Variants in ZNF618 observed in about 807,000 individuals in gnomAD.
The protein encoded by ZNF618 is neural precursor cell expressed, developmentally down-regulated 10.
ZNF618 carries 34 observed loss-of-function variants against 103.0 expected under a neutral mutation model. The observed-to-expected ratio is 0.33, with a 90% CI of 0.25 to 0.44. ZNF618 has a LOEUF of 0.44. ZNF618 is among the 20% of genes least tolerant of loss of function. The probability of loss-of-function intolerance (pLI) is 1.00; values close to 1 mark genes in which losing one functional copy is unlikely to be tolerated. For synonymous variants in ZNF618, 551 were observed against 542.2 expected (o/e 1.02, Z -0.23); for missense variants, 1,059 against 1,295.4 (o/e 0.82, Z 2.80).
intron 3 of ZNF618, among the ~76,000 whole-genome samples, chr9:113,996,196 A>T (rs2133481771): frequency 6.6e-6 from 1 of 152,286 alleles, no homozygotes; most frequent in Admixed American, 6.5e-5. Context: ...TCATTCGGCA[A>T]GCCCTGGACC....
chr9:113,887,494 C>T (rs759675713), intron 1 of ZNF618, among the ~76,000 whole-genome samples: 32 of 152,180 alleles, frequency 2.1e-4, no homozygotes, highest in Non-Finnish European at 1.0e-4. Context: ...GATCAGGTTG[C>T]AGTTCTGGGC....
chr9:113,939,167 T>C (rs893335210), intron 1 of ZNF618, among the ~76,000 whole-genome samples: 1 of 152,212 alleles, frequency 6.6e-6, no homozygotes, highest in Non-Finnish European at 1.5e-5. Flanking sequence ...ATTCCTGACT[T>C]CAATTAGAGT....
rs1012641201 is a variant in ZNF618 at position 114,050,458 on chromosome 9, A to G, written c.*291A>G. 7.0e-5 allele frequency: 21 copies of G among 300,830 alleles called. No individual in the cohort carries two copies. The highest frequency in any genetic ancestry group is 4.3e-4 in the African/African-American group (20 of 46,134). 18.6% of individuals were successfully genotyped at this position (300,830 alleles called of 1,614,324 possible). ...TGCACACACGCACACACACACACACACACACACACACACACACGACCCTGG... is the reference window on the plus strand; with the variant it reads ...TGCACACACGCACACACACACACACGCACACACACACACACACGACCCTGG... On this transcript the variant is annotated 3_prime_UTR_variant, in exon 15 of 15. Coordinates refer to ENST00000374126, the MANE Select transcript of ZNF618 (RefSeq NM_001318042.2).
rs565669807 is a variant in ZNF618 at position 113,881,531 on chromosome 9, G to A, written c.33+5118G>A. Among the ~76,000 whole-genome samples, 681 of 152,212 alleles carry A rather than the reference G, an allele frequency of 4.5e-3. 6 individuals carry two copies. Among genetic ancestry groups the A allele is most frequent in the Middle Eastern group, 0.01 (3 of 294 alleles). On this transcript the variant is annotated intron_variant, in intron 1 of 14. Transcript: ENST00000374126. ...AATGTGACAAGTTACAGTCTTTTGC[G>A]GGGGTGCTATTGAGTCTTTGAAATC...
chr9:113,913,402 C>T (rs1588022752), intron 1 of ZNF618, among the ~76,000 whole-genome samples: 2 of 152,232 alleles, frequency 1.3e-5, no homozygotes, highest in East Asian at 3.8e-4. Context: ...CCTGACAAAC[C>T]CTGCAATGTG....
intron 2 of ZNF618, among the ~76,000 whole-genome samples, chr9:113,971,615 C>T (rs1176642314): frequency 2.0e-5 from 3 of 152,126 alleles, no homozygotes; most frequent in Non-Finnish European, 4.4e-5. Context: ...TGCGGTCTGC[C>T]CTCACTCTCT....
intron 1 of ZNF618, among the ~76,000 whole-genome samples, chr9:113,902,510 G>C (rs1248948369): frequency 6.6e-6 from 1 of 152,180 alleles, no homozygotes; most frequent in Non-Finnish European, 1.5e-5. Flanking sequence ...TTATTCTAAT[G>C]TATTTAACAT....
chr9:114,049,537 A>G lies in ZNF618; in HGVS notation c.2235A>G (p.Ala745=). 1.2e-6 allele frequency: 2 copies of G among 1,613,804 alleles called. No individual in the cohort carries two copies. Among genetic ancestry groups the G allele is most frequent in the South Asian group, 2.2e-5 (2 of 91,066 alleles). ...CCATCCTGACGCCGGTGAAGCAGGC[A>G]GTCATCGAGCTGAGCAACGAGAGCC... The part of the protein sequence containing the change: ...LAAILTPVKQ[A]VIELSNESQP... The change falls in exon 15 of 15, where the codon GCA becomes GCG. Residue 745 remains alanine, a synonymous_variant. Coordinates refer to ENST00000374126, the MANE Select transcript of ZNF618 (RefSeq NM_001318042.2).
chr9:113,981,451 T>G (rs1838968434), intron 2 of ZNF618, among the ~76,000 whole-genome samples: 1 of 152,262 alleles, frequency 6.6e-6, no homozygotes, highest in Non-Finnish European at 1.5e-5. Flanking sequence ...AAACTGAGTC[T>G]TGGGGTAGGC....
chr9:113,894,318 A>G (rs1006223707), intron 1 of ZNF618, among the ~76,000 whole-genome samples: 6 of 152,172 alleles, frequency 3.9e-5, no homozygotes, highest in African/African-American at 1.4e-4. Context: ...ACCATTACAT[A>G]TTTGTGCCAA....
intron 10 of ZNF618, among the ~76,000 whole-genome samples, chr9:114,020,225 T>C (rs1842960180): frequency 6.6e-6 from 1 of 152,210 alleles, no homozygotes; most frequent in Non-Finnish European, 1.5e-5. Flanking sequence ...CTTATAGCTC[T>C]CTAGTAAGTC....
rs114558382 is a variant in ZNF618 at position 113,919,654 on chromosome 9, G to A, written c.33+43241G>A. ...CGGCGGGGCCAGCCCTCTCCGTGAG[G>A]AGGTGGAACTGTCCCCATGCCACCT... On this transcript the variant is annotated intron_variant, in intron 1 of 14. Coordinates refer to ENST00000374126, the MANE Select transcript of ZNF618 (RefSeq NM_001318042.2). Among the ~76,000 whole-genome samples the A allele has an allele frequency of 9.1e-3, 1,393 of 152,328 alleles. 23 individuals are homozygous for A. Among genetic ancestry groups the A allele is most frequent in the African/African-American group, 0.032 (1,326 of 41,578 alleles).
intron 13 of ZNF618, 67 bp downstream of exon 13, chr9:114,036,444 G>A: frequency 6.6e-7 from 1 of 1,508,442 alleles, no homozygotes; most frequent in Non-Finnish European, 9.0e-7. Flanking sequence ...AGATGGTTAG[G>A]GCCTGACCTG....
chr9:113,917,801 T>C (rs1358019012), intron 1 of ZNF618, among the ~76,000 whole-genome samples: 3 of 152,194 alleles, frequency 2.0e-5, no homozygotes, highest in Non-Finnish European at 4.4e-5. Flanking sequence ...TAAAAACCTC[T>C]AGAAATACTA....
intron 10 of ZNF618, among the ~76,000 whole-genome samples, chr9:114,026,102 G>A (rs975102827): frequency 1.3e-5 from 2 of 152,338 alleles, no homozygotes; most frequent in African/African-American, 4.8e-5. Context: ...TTTTGGGGGA[G>A]GCAGACTCCC....
At position 113,895,901 on chromosome 9, in the gene ZNF618, C is replaced by T. The variant is rs1157474509; in HGVS notation, c.33+19488C>T. Among the ~76,000 whole-genome samples the T allele has an allele frequency of 3.3e-5, 5 of 151,990 alleles. No individual in the cohort carries two copies. In the East Asian group the frequency reaches 9.6e-4, roughly 29 times the overall value. On this transcript the variant is annotated intron_variant, in intron 1 of 14. Transcript: ENST00000374126. ...CTTCAATAACATTTTGGCTTTTGCT[C>T]TTTTCATGCCCGTTTTGACCATTTA...
intron 1 of ZNF618, among the ~76,000 whole-genome samples, chr9:113,911,468 A>G (rs1292890624): frequency 4.6e-5 from 7 of 152,020 alleles, no homozygotes; most frequent in Admixed American, 4.6e-4. Context: ...AGCTGGGATT[A>G]CAGGCACCTG....
At chr9:113,951,460 CAT>C (rs375421548) in intron 1 of ZNF618, among the ~76,000 whole-genome samples, 4 of 18,338 alleles carry the variant, frequency 2.2e-4, no homozygotes, top group Admixed American at 6.7e-4. Context: ...TGTATATATA[CAT>C]ATATGTGTGT....
chr9:113,937,116 C>T (rs1834096589), intron 1 of ZNF618, among the ~76,000 whole-genome samples: 1 of 152,162 alleles, frequency 6.6e-6, no homozygotes, highest in African/African-American at 2.4e-5. Context: ...TTAGAATTTA[C>T]ATTTTCCTTT....
Sources: gnomAD v4.1 joint callset for allele counts (sites outside exome capture counted in the v4.1 genomes callset) on GRCh38, gnomAD v4.1.1 for gene constraint, MANE v1.5 for transcripts, NCBI Gene and HGNC (gene_info 2026-07-23, HGNC 2026-07-21) for gene names.